Variants in MAP7D2 observed in about 807,000 individuals in gnomAD.
MAP7D2 encodes MAP7 domain containing 2, also known as MAP7 domain-containing protein 2.
In MAP7D2, 33 loss-of-function variants were observed where a neutral mutation model predicts 63.5. The ratio of observed to expected loss-of-function variants is 0.52; its 90% CI spans 0.39 to 0.70. The LOEUF (loss-of-function observed/expected upper bound fraction) is 0.70. Ranked by LOEUF, MAP7D2 falls within the 30% of genes least tolerant of loss-of-function variation. The probability of loss-of-function intolerance (pLI) is 0.00; values close to 1 mark genes in which losing one functional copy is unlikely to be tolerated. For missense variants in MAP7D2, 626 were observed against 604.0 expected, an observed-to-expected ratio of 1.04 and a Z score of -0.38; for synonymous variants, 224 against 223.7, an observed-to-expected ratio of 1.00 and a Z score of -0.01.
chrX:20,009,218 CA>C (rs1263550675), intron 16 of MAP7D2, among the ~76,000 whole-genome samples: 1 of 111,410 alleles, frequency 9.0e-6, no homozygotes. Context: ...ACAAAAAACA[CA>C]GTGACCTCAG....
chrX:20,086,474 G>T (rs763817370), intron 1 of MAP7D2, among the ~76,000 whole-genome samples: 1 of 112,441 alleles, frequency 8.9e-6, no homozygotes, highest in South Asian at 3.7e-4. Flanking sequence ...ATAGGCAACT[G>T]AATGGAGGTG....
intron 4 of MAP7D2, among the ~76,000 whole-genome samples, 188 bp downstream of exon 4, chrX:20,056,492 C>T (rs1156766927): frequency 8.9e-6 from 1 of 111,964 alleles, no homozygotes; most frequent in African/African-American, 3.3e-5. Context: ...ATGCACAGAT[C>T]CCCTTCATAA....
At position 20,116,810 on chromosome X, in the gene MAP7D2, G is replaced by A; in HGVS notation, c.70C>T (p.Pro24Ser). ...PEGTARGTSL[P>S]GKIAEPGAVR... ...GCGCCCGGTTCTGCGATCTTCCCTG[G>A]GAGAGAGGTTCCCCGCGCAGTCCCC... Residue 24 changes from proline (P) to serine (S), a missense_variant, in exon 1 of 17, where the codon CCA becomes TCA. Physicochemically the swap from Pro to Ser is moderately conservative, Grantham distance 74. Coordinates refer to ENST00000379643, the MANE Select transcript of MAP7D2 (RefSeq NM_001168465.2). 8.4e-7 allele frequency: 1 copy of A among 1,189,797 alleles called. No individual in the cohort carries two copies. Among genetic ancestry groups the A allele is most frequent in the Non-Finnish European group, 1.1e-6 (1 of 885,944 alleles).
In MAP7D2 at chrX:20,006,852, G is replaced by C. The variant is rs1048049285; in HGVS notation, c.*1573C>G. ...ATTGAGCTTACAGAAAAAATAAAACGCTAGCAAGTCATCAGACTCTTCAAT... is the reference window on the plus strand; with the variant it reads ...ATTGAGCTTACAGAAAAAATAAAACCCTAGCAAGTCATCAGACTCTTCAAT... On this transcript the variant is annotated 3_prime_UTR_variant, in exon 17 of 17. Transcript: ENST00000379643. 1 of 111,903 alleles carries C rather than the reference G, an allele frequency of 8.9e-6. No individual in the cohort carries two copies. Among genetic ancestry groups the C allele is most frequent in the Admixed American group, 9.5e-5 (1 of 10,532 alleles). 9.2% of individuals were successfully genotyped at this position (111,903 alleles called of 1,213,427 possible).
intron 1 of MAP7D2, among the ~76,000 whole-genome samples, chrX:20,072,061 C>T (rs1354987862): frequency 2.7e-5 from 3 of 111,580 alleles, no homozygotes; most frequent in Admixed American, 9.5e-5. Flanking sequence ...AATCAAAGGG[C>T]CACGAATATT....
intron 1 of MAP7D2, among the ~76,000 whole-genome samples, chrX:20,080,580 G>A (rs1283207247): frequency 9.0e-6 from 1 of 110,584 alleles, no homozygotes; most frequent in Non-Finnish European, 1.9e-5. Context: ...TGAGCTTCTG[G>A]AGTCTCACCT....
At chrX:20,072,249 C>A (rs2065521878) in intron 1 of MAP7D2, among the ~76,000 whole-genome samples, 1 of 111,540 alleles carries the variant, frequency 9.0e-6, no homozygotes, top group Non-Finnish European at 1.9e-5. Context: ...CATAGCCCCA[C>A]CCCCAACACA....
chrX:20,038,092 A>G (rs1162305029), intron 8 of MAP7D2, among the ~76,000 whole-genome samples: 2 of 111,724 alleles, frequency 1.8e-5, no homozygotes, highest in African/African-American at 6.5e-5. Context: ...AGCCCTCGAT[A>G]TGCACCATTC....
At chrX:20,102,753 C>T (rs1398999456) in intron 1 of MAP7D2, among the ~76,000 whole-genome samples, 2 of 67,633 alleles carry the variant, frequency 3.0e-5, no homozygotes, top group East Asian at 1.1e-3. Flanking sequence ...GCAGAACCCT[C>T]GGGTTTGGCT....
rs1016593348 is a variant in MAP7D2 at position 20,007,773 on chromosome X, T to C, written c.*652A>G. The C allele has an allele frequency of 1.8e-5, 2 of 111,924 alleles. No individual in the cohort carries two copies. The allele number at this position is 111,924 out of a possible 1,213,427, so 9.2% of individuals were successfully genotyped here. On this transcript the variant is annotated 3_prime_UTR_variant, in exon 17 of 17. Coordinates refer to ENST00000379643, the MANE Select transcript of MAP7D2 (RefSeq NM_001168465.2). ...AATATGCATAAGAGAACAGAAATCA[T>C]TACTGACTGTTTTGACTTCCTTCCT...
At chrX:20,059,028 T>C (rs1270407906) in intron 3 of MAP7D2, among the ~76,000 whole-genome samples, 3 of 111,968 alleles carry the variant, frequency 2.7e-5, no homozygotes, top group South Asian at 3.7e-4. Flanking sequence ...TGAGCTAACA[T>C]TGCAGTCCTG....
At chrX:20,020,256 T>C in intron 10 of MAP7D2, among the ~76,000 whole-genome samples, 1 of 111,201 alleles carries the variant, frequency 9.0e-6, no homozygotes, top group Non-Finnish European at 1.9e-5. Flanking sequence ...CTTCCCTTCA[T>C]TTGTCAGTTT....
intron 1 of MAP7D2, among the ~76,000 whole-genome samples, chrX:20,096,429 CAAAA>C (rs775218484): frequency 2.5e-5 from 1 of 40,111 alleles, no homozygotes. Flanking sequence ...GACCTTGTCT[CAAAA>C]AAAAAAAAAA....
chrX:20,102,631 TGGAC>T (rs927360070), intron 1 of MAP7D2, among the ~76,000 whole-genome samples: 1 of 110,722 alleles, frequency 9.0e-6, no homozygotes, highest in African/African-American at 3.3e-5. Context: ...GACGGTGACC[TGGAC>T]GGACGGACAG....
At chrX:20,100,768 T>G (rs762085366) in intron 1 of MAP7D2, among the ~76,000 whole-genome samples, 57 of 111,425 alleles carry the variant, frequency 5.1e-4, no homozygotes, top group African/African-American at 1.8e-3. Context: ...AAGTCTGTAA[T>G]CCCAGCACTT....
At chrX:20,049,306 G>A (rs1487844579) in intron 6 of MAP7D2, among the ~76,000 whole-genome samples, 1 of 98,409 alleles carries the variant, frequency 1.0e-5, no homozygotes, top group Non-Finnish European at 2.0e-5. Flanking sequence ...GAGTCTCGCT[G>A]TGTCACCCAA....
intron 8 of MAP7D2, among the ~76,000 whole-genome samples, chrX:20,032,106 A>G (rs1307959557): frequency 8.9e-6 from 1 of 111,943 alleles, no homozygotes; most frequent in Non-Finnish European, 1.9e-5. Context: ...TAGTCTTGTG[A>G]TTCTTTTGCA....
chrX:20,083,106 T>C (rs1313979523), intron 1 of MAP7D2, among the ~76,000 whole-genome samples: 1 of 112,275 alleles, frequency 8.9e-6, no homozygotes, highest in African/African-American at 3.2e-5. Context: ...TAAAACCCTC[T>C]TTGGAAAACA....
intron 1 of MAP7D2, among the ~76,000 whole-genome samples, chrX:20,105,901 T>C (rs1045969497): frequency 8.9e-6 from 1 of 112,198 alleles, no homozygotes; most frequent in African/African-American, 3.2e-5. Context: ...GGGTAACTTA[T>C]AACAAACAAA....
Sources: gnomAD v4.1 joint callset for allele counts (sites outside exome capture counted in the v4.1 genomes callset) on GRCh38, gnomAD v4.1.1 for gene constraint, MANE v1.5 for transcripts, NCBI Gene and HGNC (gene_info 2026-07-23, HGNC 2026-07-21) for gene names.